Variants in GPHN observed in about 807,000 individuals in gnomAD.
The protein encoded by GPHN is gephyrin.
A neutral mutation model predicts 95.5 loss-of-function variants in GPHN; 17 were observed. That is an observed-to-expected ratio of 0.18 (90% CI 0.12 to 0.27). The LOEUF is 0.27. Ranked by LOEUF, GPHN falls within the 10% of genes least tolerant of loss-of-function variation. The pLI, the probability that GPHN is intolerant of heterozygous loss-of-function variation, is 1.00. For synonymous variants in GPHN, 320 were observed against 322.5 expected (o/e 0.99, Z 0.08); for missense variants, 660 against 978.1 (o/e 0.67, Z 4.34).
At chr14:67,615,313 A>G in the GPHN span, 5 of 153,440 alleles carry the variant, frequency 3.3e-5, no homozygotes, top group African/African-American at 9.6e-5. Flanking sequence ...ATTCATTTTC[A>G]ACTTTGGGGT....
intron 4 of GPHN, among the ~76,000 whole-genome samples, chr14:66,844,427 A>G (rs2062231745): frequency 6.6e-6 from 1 of 152,136 alleles, no homozygotes; most frequent in African/African-American, 2.4e-5. Context: ...GCAAGAGTCT[A>G]AGGAGGAGAT....
chr14:66,818,096 C>T (rs1326472345), intron 3 of GPHN, among the ~76,000 whole-genome samples: 2 of 151,996 alleles, frequency 1.3e-5, no homozygotes, highest in Non-Finnish European at 2.9e-5. Context: ...TTTATAATCC[C>T]TCTTTTTTTT....
At chr14:67,577,704 G>A in the GPHN span, among the ~76,000 whole-genome samples, 4 of 152,194 alleles carry the variant, frequency 2.6e-5, no homozygotes, top group Non-Finnish European at 5.9e-5. Flanking sequence ...GTTGCTTCTG[G>A]ACTGAGAGAT....
At chr14:66,771,617 C>G (rs1027729793) in intron 2 of GPHN, among the ~76,000 whole-genome samples, 1 of 151,958 alleles carries the variant, frequency 6.6e-6, no homozygotes, top group Non-Finnish European at 1.5e-5. Flanking sequence ...GGTACATGTG[C>G]ACATTGTGCA....
At chr14:66,715,047 G>A (rs566282740) in intron 2 of GPHN, among the ~76,000 whole-genome samples, 1 of 152,284 alleles carries the variant, frequency 6.6e-6, no homozygotes, top group Non-Finnish European at 1.5e-5. Context: ...GTATCAATAG[G>A]ATAGGTATAA....
the GPHN span, among the ~76,000 whole-genome samples, chr14:67,697,135 C>CA: frequency 6.6e-6 from 1 of 151,934 alleles, no homozygotes; most frequent in African/African-American, 2.4e-5. Flanking sequence ...TGATGTCCAG[C>CA]AGGAAGCCAG....
chr14:66,712,406 A>G (rs1009250237), intron 2 of GPHN, among the ~76,000 whole-genome samples: 14 of 152,088 alleles, frequency 9.2e-5, no homozygotes, highest in Non-Finnish European at 1.9e-4. Flanking sequence ...GTGTCTGTTC[A>G]TATCCTTTGC....
intron 1 of GPHN, among the ~76,000 whole-genome samples, chr14:66,545,381 G>T (rs2059524497): frequency 7.1e-6 from 1 of 141,004 alleles, no homozygotes; most frequent in Non-Finnish European, 1.5e-5. Flanking sequence ...GCCAGGCGGG[G>T]GGCTGACCCC....
At chr14:66,618,871 C>T (rs1338096103) in intron 1 of GPHN, among the ~76,000 whole-genome samples, 5 of 152,166 alleles carry the variant, frequency 3.3e-5, no homozygotes, top group Non-Finnish European at 7.4e-5. Context: ...CCATCACACT[C>T]TACAAGTTTC....
intron 4 of GPHN, among the ~76,000 whole-genome samples, chr14:66,849,805 G>A (rs867898736): frequency 3.9e-5 from 6 of 152,028 alleles, no homozygotes; most frequent in African/African-American, 1.4e-4. Flanking sequence ...TGGTTGTCAA[G>A]AAATAATTTT....
At chr14:67,011,714 T>A (rs2073022706) in intron 9 of GPHN, among the ~76,000 whole-genome samples, 1 of 152,106 alleles carries the variant, frequency 6.6e-6, no homozygotes, top group Non-Finnish European at 1.5e-5. Context: ...CTGCTTATAT[T>A]TATTTTCAAG....
At chr14:67,238,009 G>A in the GPHN span, among the ~76,000 whole-genome samples, 140 of 152,216 alleles carry the variant, frequency 9.2e-4, 1 homozygote, top group Non-Finnish European at 4.4e-4. Context: ...GAAAAAAGTA[G>A]TTAACCCCTT....
intron 13 of GPHN, among the ~76,000 whole-genome samples, chr14:67,101,131 C>T (rs890655210): frequency 6.6e-6 from 1 of 152,006 alleles, no homozygotes; most frequent in Non-Finnish European, 1.5e-5. Context: ...ATTAGTATGT[C>T]TCACAGACAT....
chr14:67,364,649 A>G, the GPHN span: 1 of 1,037,708 alleles, frequency 9.6e-7, no homozygotes, highest in Admixed American at 3.0e-5. Context: ...TGAGAAGACT[A>G]AGACTAATAA....
At chr14:66,586,906 A>G (rs1283600852) in intron 1 of GPHN, among the ~76,000 whole-genome samples, 1 of 152,206 alleles carries the variant, frequency 6.6e-6, no homozygotes, top group Non-Finnish European at 1.5e-5. Context: ...AAAGGTCAGA[A>G]CAGAAATAAG....
At chr14:67,620,954 C>T in the GPHN span, 10 of 1,613,970 alleles carry the variant, frequency 6.2e-6, no homozygotes, top group Non-Finnish European at 8.5e-6. Flanking sequence ...GATGAAAAGG[C>T]TCTCCAGTTT....
chr14:66,584,812 G>T (rs2061352330), intron 1 of GPHN, among the ~76,000 whole-genome samples: 1 of 152,064 alleles, frequency 6.6e-6, no homozygotes, highest in African/African-American at 2.4e-5. Context: ...GAGGATTTTT[G>T]CATCAATGTT....
At chr14:67,451,088 C>G in the GPHN span, among the ~76,000 whole-genome samples, 7 of 152,228 alleles carry the variant, frequency 4.6e-5, no homozygotes, top group African/African-American at 1.2e-4. Context: ...AAGTCTCAAG[C>G]CTTGGCAGCT....
At chr14:67,645,145 T>C in the GPHN span, among the ~76,000 whole-genome samples, 2 of 152,274 alleles carry the variant, frequency 1.3e-5, no homozygotes, top group Admixed American at 1.3e-4. Flanking sequence ...TGGTGAGTCG[T>C]TACCTATAGA....
Sources: allele counts gnomAD v4.1 joint callset (sites outside exome capture counted in the v4.1 genomes callset), GRCh38; gene constraint gnomAD v4.1.1; transcripts MANE v1.5; gene names NCBI Gene and HGNC (gene_info 2026-07-23, HGNC 2026-07-21).